The following MAU2 variants were observed in gnomAD, a reference collection of about 807,000 sequenced individuals.
MAU2 encodes the protein MAU2 sister chromatid cohesion factor.
Under a neutral mutation model 89.1 loss-of-function variants are expected in MAU2, and 9 were observed. The observed-to-expected ratio is 0.10, with a 90% CI of 0.06 to 0.18. The LOEUF (loss-of-function observed/expected upper bound fraction) is 0.18, where lower values mean the gene tolerates loss of function less well. MAU2 is among the 10% of genes least tolerant of loss of function. MAU2 has a pLI of 1.00. For missense variants in MAU2, 425 were observed against 803.5 expected, an observed-to-expected ratio of 0.53 and a Z score of 5.69; for synonymous variants, 357 against 343.4, an observed-to-expected ratio of 1.04 and a Z score of -0.44.
intron 8 of MAU2, 36 bp from the exon 9 acceptor site, chr19:19,342,740 G>T (rs753008208): frequency 6.2e-7 from 1 of 1,613,810 alleles, no homozygotes; most frequent in East Asian, 2.2e-5. Flanking sequence ...GAGGGAGAGG[G>T]CCCTGGTAAC....
rs1412558323 is a variant in MAU2 at position 19,356,128 on chromosome 19, G to A, written c.*346G>A. ...GCAGGTCCTAATCCTGTGTGCCAGG[G>A]CAGGCAGTGCCCCAGGGGCACCACG... is the stretch of plus-strand genomic sequence containing the variant. On this transcript the variant is annotated 3_prime_UTR_variant, in exon 19 of 19. Transcript: ENST00000262815. 2.1e-6 allele frequency: 1 copy of A among 480,826 alleles called. No individual in the cohort carries two copies. Among genetic ancestry groups the A allele is most frequent in the Admixed American group, 2.3e-5 (1 of 42,564 alleles). 29.8% of individuals were successfully genotyped at this position (480,826 alleles called of 1,614,324 possible).
At chr19:19,331,566 G>T (rs1331410684) in intron 1 of MAU2, among the ~76,000 whole-genome samples, 1 of 151,792 alleles carries the variant, frequency 6.6e-6, no homozygotes, top group Non-Finnish European at 1.5e-5. Context: ...TCCTTTATTT[G>T]TGAGATGGAT....
chr19:19,322,820 C>T (rs547071206), intron 1 of MAU2, among the ~76,000 whole-genome samples: 18 of 152,210 alleles, frequency 1.2e-4, no homozygotes, highest in Admixed American at 9.2e-4. Context: ...AACAACTTGC[C>T]TTGAGGAATA....
chr19:19,332,329 T>TA (rs1278471545), intron 1 of MAU2, among the ~76,000 whole-genome samples: 1 of 147,226 alleles, frequency 6.8e-6, no homozygotes, highest in Non-Finnish European at 1.5e-5. Flanking sequence ...CTGGCTGATT[T>TA]TTTTTTTTTT....
At position 19,340,892 on chromosome 19, in the gene MAU2, T is replaced by C. The variant is rs1371854898; in HGVS notation, c.579+19T>C. On this transcript the variant is annotated intron_variant, in intron 6 of 18. Transcript: ENST00000262815. ...GGGGATGGTAAGTTGAGGCTGGGCA[T>C]GGCTGGATGCAGCTGGTGTTGTGGA... The C allele has an allele frequency of 3.7e-6, 6 of 1,612,894 alleles. No individual in the cohort carries two copies. The African/African-American group carries it at 8.0e-5, about 22-fold the overall frequency.
chr19:19,327,128 T>G (rs550956178), intron 1 of MAU2, among the ~76,000 whole-genome samples: 1 of 148,122 alleles, frequency 6.8e-6, no homozygotes, highest in Non-Finnish European at 1.5e-5. Context: ...GAGCTTTTTT[T>G]TTTTTTTTTT....
At chr19:19,326,656 A>G (rs958249856) in intron 1 of MAU2, among the ~76,000 whole-genome samples, 1 of 148,718 alleles carries the variant, frequency 6.7e-6, no homozygotes, top group Admixed American at 6.8e-5. Context: ...ACTGCACTCC[A>G]GACTGGGCGA....
chr19:19,341,759 A>T (rs2061648969), intron 7 of MAU2, among the ~76,000 whole-genome samples: 1 of 152,226 alleles, frequency 6.6e-6, no homozygotes, highest in South Asian at 2.1e-4. Flanking sequence ...GCAGATGCCC[A>T]GGTGCTGTCT....
chr19:19,348,515 T>TC, intron 13 of MAU2: 1 of 418,428 alleles, frequency 2.4e-6, no homozygotes, highest in Non-Finnish European at 4.4e-6. Flanking sequence ...CCTCCCGGGG[T>TC]CCCTGCACCT....
rs537578439 is a variant in MAU2 at position 19,355,850 on chromosome 19, A to G, written c.*68A>G. 6.4e-6 allele frequency: 9 copies of G among 1,415,226 alleles called. No individual in the cohort carries two copies. In the Admixed American group the frequency reaches 1.2e-4, roughly 18 times the overall value. 87.7% of individuals were successfully genotyped at this position (1,415,226 alleles called of 1,614,324 possible). On this transcript the variant is annotated 3_prime_UTR_variant, in exon 19 of 19. Coordinates refer to ENST00000262815, the MANE Select transcript of MAU2 (RefSeq NM_015329.4). ...CCGGCTTCCACCCAGACGGCACTCA[A>G]GCCTGCCCCCGAGGCGTGCTTCCTT...
chr19:19,326,315 G>A (rs1314560476), intron 1 of MAU2, among the ~76,000 whole-genome samples: 1 of 152,008 alleles, frequency 6.6e-6, no homozygotes, highest in Non-Finnish European at 1.5e-5. Flanking sequence ...GACTTTGTGA[G>A]GCCAAAGTGG....
chr19:19,325,270 G>C (rs759419459), intron 1 of MAU2, among the ~76,000 whole-genome samples: 1 of 152,128 alleles, frequency 6.6e-6, no homozygotes, highest in East Asian at 1.9e-4. Flanking sequence ...CTGCCTCCCG[G>C]GTTCAAGCGA....
intron 16 of MAU2, among the ~76,000 whole-genome samples, chr19:19,350,075 A>T (rs968237031): frequency 1.4e-5 from 2 of 146,874 alleles, no homozygotes; most frequent in Non-Finnish European, 3.0e-5. Context: ...CGGGCAGATC[A>T]CCTGAGGTCA....
Position 19,348,954 on chromosome 19 carries a change from C to A in MAU2, c.1358+16C>A. 5 of 1,612,334 alleles carry A rather than the reference C, an allele frequency of 3.1e-6. No individual in the cohort carries two copies. Among genetic ancestry groups the A allele is most frequent in the Non-Finnish European group, 4.2e-6 (5 of 1,179,286 alleles). On this transcript the variant is annotated intron_variant, in intron 14 of 18. Coordinates refer to ENST00000262815, the MANE Select transcript of MAU2 (RefSeq NM_015329.4). ...TCCCTGTCAGGTGAGCCGCTCCAGG[C>A]ACCACTCCACGCACGGCCTAGGCTC...
chr19:19,347,321 C>T lies in MAU2; in HGVS notation c.1263C>T (p.Asn421=), dbSNP rs1291586091. ...AGCTGTGGGCCTTCATCGTCACCAACCTGGCGAGTGTGTATATACGGGAAG... is the reference window on the plus strand; with the variant it reads ...AGCTGTGGGCCTTCATCGTCACCAATCTGGCGAGTGTGTATATACGGGAAG... ...HQELWAFIVT[N]LASVYIREGN... The change falls in exon 13 of 19, where the codon AAC becomes AAT. Residue 421 remains asparagine, a synonymous_variant. Transcript: ENST00000262815. 1 of 1,613,946 alleles carries T rather than the reference C, an allele frequency of 6.2e-7. No individual in the cohort carries two copies.
chr19:19,348,964 C>T lies in MAU2; in HGVS notation c.1358+26C>T, dbSNP rs201524073. 2.7e-3 allele frequency: 4,411 copies of T among 1,611,030 alleles called. 9 individuals carry two copies. Among genetic ancestry groups the T allele is most frequent in the Non-Finnish European group, 3.4e-3 (4,037 of 1,178,694 alleles). On this transcript the variant is annotated intron_variant, in intron 14 of 18. Coordinates refer to ENST00000262815, the MANE Select transcript of MAU2 (RefSeq NM_015329.4). ...GTGAGCCGCTCCAGGCACCACTCCA[C>T]GCACGGCCTAGGCTCCCCGTGCTCT...
intron 1 of MAU2, chr19:19,334,352 C>T (rs1365299080): frequency 1.8e-5 from 18 of 985,648 alleles, no homozygotes; most frequent in Non-Finnish European, 2.0e-5. Context: ...GCATGTGTGT[C>T]AGGGGCTCGG....
At chr19:19,347,122 T>G in intron 12 of MAU2, 158 bp from the exon 13 acceptor site, 2 of 607,036 alleles carry the variant, frequency 3.3e-6, no homozygotes, top group Non-Finnish European at 5.9e-6. Flanking sequence ...GTAATAGCTG[T>G]GTTATCCTTG....
In MAU2 at chr19:19,356,582, G is replaced by C. The variant is rs1220114988; in HGVS notation, c.*800G>C. On this transcript the variant is annotated 3_prime_UTR_variant, in exon 19 of 19. Coordinates refer to ENST00000262815, the MANE Select transcript of MAU2 (RefSeq NM_015329.4). ...GGCTGCTGAGGGGCAGGAAGCGGGG[G>C]AGTGGGCTCGTCTCCTAAATTTAAG... The C allele has an allele frequency of 3.8e-5, 6 of 158,192 alleles. No individual in the cohort carries two copies. Among genetic ancestry groups the C allele is most frequent in the African/African-American group, 1.4e-4 (6 of 41,608 alleles). 9.8% of individuals were successfully genotyped at this position (158,192 alleles called of 1,614,324 possible). A position where few individuals can be genotyped will look rare whatever the true frequency, so the allele number is the denominator to read the frequency against.
Sources: allele counts gnomAD v4.1 joint callset (sites outside exome capture counted in the v4.1 genomes callset), GRCh38; gene constraint gnomAD v4.1.1; transcripts MANE v1.5; gene names NCBI Gene and HGNC (gene_info 2026-07-23, HGNC 2026-07-21).